The following UGGT2 variants were observed in gnomAD, a reference collection of about 807,000 sequenced individuals.
The protein encoded by UGGT2 is UDP-glucose glycoprotein glucosyltransferase 2, also known as UDP-glucose:glycoprotein glucosyltransferase 2.
A neutral mutation model predicts 192.1 loss-of-function variants in UGGT2; 180 were observed. The ratio of observed to expected loss-of-function variants is 0.94; its 90% confidence interval spans 0.83 to 1.06. The LOEUF (loss-of-function observed/expected upper bound fraction) is 1.06, where lower values mean the gene tolerates loss of function less well. UGGT2 is among the 50% of genes least tolerant of loss of function. The pLI, the probability that UGGT2 is intolerant of heterozygous loss-of-function variation, is 0.00. For synonymous variants in UGGT2, 580 were observed against 591.0 expected (o/e 0.98, Z 0.27); for missense variants, 1,849 against 1,795.7 (o/e 1.03, Z -0.54).
At chr13:95,884,447 T>G (rs1451885809) in intron 27 of UGGT2, 44 bp downstream of exon 27, 1 of 1,445,724 alleles carries the variant, frequency 6.9e-7, no homozygotes, top group South Asian at 1.6e-5. Flanking sequence ...GATAAGAATT[T>G]ATCCTGTTTC....
At chr13:95,939,401 A>C (rs865974082) in intron 16 of UGGT2, among the ~76,000 whole-genome samples, 2 of 151,462 alleles carry the variant, frequency 1.3e-5, no homozygotes, top group Non-Finnish European at 2.9e-5. Flanking sequence ...CCTTCTAATG[A>C]AGGCTCCTAT....
intron 26 of UGGT2, among the ~76,000 whole-genome samples, chr13:95,886,124 A>C (rs927876750): frequency 1.6e-4 from 25 of 152,184 alleles, no homozygotes; most frequent in Non-Finnish European, 3.7e-4. Context: ...CAGAGTGGGA[A>C]TGTTTAACTA....
intron 22 of UGGT2, among the ~76,000 whole-genome samples, chr13:95,899,752 A>G (rs2048049322): frequency 6.6e-6 from 1 of 152,132 alleles, no homozygotes; most frequent in South Asian, 2.1e-4. Flanking sequence ...GTAACTTTTA[A>G]AGTGAAAAAG....
At chr13:95,903,184 C>T (rs2048162812) in intron 20 of UGGT2, 124 bp from the exon 21 acceptor site, 3 of 855,978 alleles carry the variant, frequency 3.5e-6, no homozygotes, top group African/African-American at 1.7e-5. Context: ...TCAAAGCCCT[C>T]CCATGTTTAC....
intron 17 of UGGT2, among the ~76,000 whole-genome samples, chr13:95,928,347 C>T (rs1478665199): frequency 4.6e-5 from 7 of 151,756 alleles, no homozygotes; most frequent in Non-Finnish European, 1.0e-4. Context: ...GGCTGCCCCC[C>T]ACCTCCCGGA....
At chr13:95,949,307 A>G in intron 13 of UGGT2, 28 bp downstream of exon 13, 13 of 1,472,286 alleles carry the variant, frequency 8.8e-6, no homozygotes, top group South Asian at 2.9e-5. Flanking sequence ...TATAAGATAT[A>G]TATGTATAAT....
intron 17 of UGGT2, among the ~76,000 whole-genome samples, chr13:95,933,975 C>T (rs193008923): frequency 3.9e-4 from 60 of 152,296 alleles, no homozygotes; most frequent in African/African-American, 1.2e-3. Flanking sequence ...TGAGCCACCG[C>T]GCCTGGTGAT....
At chr13:95,947,457 TTTA>T (rs2049912563) in intron 14 of UGGT2, among the ~76,000 whole-genome samples, 2 of 122,892 alleles carry the variant, frequency 1.6e-5, no homozygotes, top group African/African-American at 3.0e-5. Flanking sequence ...TCTTTTTATT[TTTA>T]TTTTTTTTGA....
chr13:95,960,807 A>G (rs1169776960), intron 12 of UGGT2, among the ~76,000 whole-genome samples: 1 of 152,206 alleles, frequency 6.6e-6, no homozygotes, highest in Non-Finnish European at 1.5e-5. Context: ...AAAAGCATCT[A>G]GTGGGAACAC....
At chr13:95,812,777 T>C (rs911317103) in intron 38 of UGGT2, among the ~76,000 whole-genome samples, 11 of 152,136 alleles carry the variant, frequency 7.2e-5, no homozygotes, top group Admixed American at 7.2e-4. Context: ...CTCATCTTGC[T>C]CCTGCTTTCA....
chr13:95,997,322 T>C (rs1366288337), intron 6 of UGGT2, among the ~76,000 whole-genome samples: 1 of 152,092 alleles, frequency 6.6e-6, no homozygotes, highest in African/African-American at 2.4e-5. Context: ...AGCAGCAAGA[T>C]AGGCAGCCAT....
intron 5 of UGGT2, among the ~76,000 whole-genome samples, chr13:96,000,095 T>C (rs893584785): frequency 6.6e-6 from 1 of 152,208 alleles, no homozygotes; most frequent in South Asian, 2.1e-4. Flanking sequence ...GAAATTCTTG[T>C]TGGCTGTACT....
chr13:95,960,821 T>A (rs541587907), intron 12 of UGGT2, among the ~76,000 whole-genome samples: 1 of 152,066 alleles, frequency 6.6e-6, no homozygotes, highest in African/African-American at 2.4e-5. Context: ...GGAACACCCA[T>A]CAGATTAACA....
At chr13:96,036,567 A>C (rs1214473703) in intron 1 of UGGT2, among the ~76,000 whole-genome samples, 1 of 124,250 alleles carries the variant, frequency 8.0e-6, no homozygotes, top group Non-Finnish European at 1.7e-5. Context: ...AAGTTCAAGT[A>C]AAAAAAAAAA....
intron 7 of UGGT2, among the ~76,000 whole-genome samples, chr13:95,991,634 A>G (rs7318577): frequency 0.065 from 9,963 of 152,188 alleles, 631 homozygotes; most frequent in African/African-American, 0.16. Context: ...TAAAAGTACA[A>G]TGGCATTTCT....
chr13:95,809,468 C>G (rs890194573), intron 38 of UGGT2: 20 of 366,226 alleles, frequency 5.5e-5, no homozygotes, highest in African/African-American at 3.9e-4. Flanking sequence ...CACGTTCTGT[C>G]TGGAGATTTA....
intron 16 of UGGT2, 75 bp from the exon 17 acceptor site, chr13:95,937,163 C>A: frequency 6.9e-7 from 1 of 1,455,708 alleles, no homozygotes. Context: ...AAATGGAACA[C>A]CGCCACATTT....
rs1594512499 is a variant in UGGT2, at chr13:95,986,045, G to C, written c.1031+288C>G. On this transcript the variant is annotated intron_variant, in intron 9 of 38. Transcript: ENST00000376747. ...CCTTCATTATTTATTGCTTAAACAA[G>C]TTTTTCCTTAGATTACTATGCATGA... is the stretch of plus-strand genomic sequence containing the variant. 1.3e-5 allele frequency among the ~76,000 whole-genome samples: 2 copies of C among 152,124 alleles called. 1 individual carries two copies. The highest frequency in any genetic ancestry group is 4.1e-4 in the South Asian group (2 of 4,824).
At chr13:95,837,800 C>T (rs775933671) in intron 36 of UGGT2, among the ~76,000 whole-genome samples, 1 of 152,126 alleles carries the variant, frequency 6.6e-6, no homozygotes, top group African/African-American at 2.4e-5. Flanking sequence ...CTTCCTTTCC[C>T]TATAGAAGAT....
Sources: allele counts gnomAD v4.1 joint callset (sites outside exome capture counted in the v4.1 genomes callset), GRCh38; gene constraint gnomAD v4.1.1; transcripts MANE v1.5; gene names NCBI Gene and HGNC (gene_info 2026-07-23, HGNC 2026-07-21).